Variants in PCDH7 observed in about 807,000 individuals in gnomAD.
PCDH7 encodes the protein protocadherin 7.
A neutral mutation model predicts 58.9 loss-of-function variants in PCDH7; 17 were observed. That is an observed-to-expected ratio of 0.29 (90% confidence interval 0.20 to 0.43). The LOEUF is 0.43. PCDH7 is among the 20% of genes least tolerant of loss of function. PCDH7 has a pLI of 1.00. For synonymous variants in PCDH7, 664 were observed against 616.4 expected (o/e 1.08, Z -1.14); for missense variants, 1,274 against 1,441.0 (o/e 0.88, Z 1.88).
intron 1 of PCDH7, among the ~76,000 whole-genome samples, chr4:30,785,313 T>A (rs1180516267): frequency 6.6e-6 from 1 of 152,042 alleles, no homozygotes; most frequent in African/African-American, 2.4e-5. Flanking sequence ...TAAGGAATTT[T>A]AGAATTAAAT....
At chr4:30,892,112 TG>T (rs1738693633) in intron 1 of PCDH7, among the ~76,000 whole-genome samples, 2 of 152,098 alleles carry the variant, frequency 1.3e-5, no homozygotes, top group African/African-American at 4.8e-5. Flanking sequence ...CCCACTTAAC[TG>T]GGTTGTTGCA....
rs1157267696 is a variant in PCDH7, at chr4:31,074,784, C to CAAAAAAAAAAAAAA, written c.*8-67679_*8-67666dup. 4.8e-3 allele frequency among the ~76,000 whole-genome samples: 252 copies of CAAAAAAAAAAAAAA among 52,464 alleles called. 26 individuals are homozygous for CAAAAAAAAAAAAAA. In the East Asian group the frequency reaches 0.053, roughly 11 times the overall value. 34.4% of individuals were successfully genotyped at this position (52,464 alleles called of 152,430 possible). A position where few individuals can be genotyped will look rare whatever the true frequency, so the allele number is the denominator to read the frequency against. On this transcript the variant is annotated intron_variant, in intron 3 of 3. Coordinates refer to the PCDH7 transcript ENST00000509759. ...TGGGCTACAGAGGGAGATTCCGTCT[C>CAAAAAAAAAAAAAA]AAAAAAAAAAAAAAAAAAAAAAAGC... is the stretch of plus-strand genomic sequence containing the variant.
intron 3 of PCDH7, among the ~76,000 whole-genome samples, chr4:30,961,893 T>A (rs555780976): frequency 1.3e-4 from 20 of 152,318 alleles, no homozygotes; most frequent in Admixed American, 5.2e-4. Context: ...AATATGCCCA[T>A]AGGGTGGTAT....
intron 1 of PCDH7, among the ~76,000 whole-genome samples, chr4:30,774,492 C>T (rs761001207): frequency 1.3e-5 from 2 of 152,070 alleles, no homozygotes; most frequent in Admixed American, 1.3e-4. Flanking sequence ...CCGCAGAATC[C>T]TCTGTTTATT....
intron 1 of PCDH7, among the ~76,000 whole-genome samples, chr4:30,782,002 TTTAA>T (rs1480383546): frequency 3.9e-5 from 6 of 152,180 alleles, no homozygotes; most frequent in Non-Finnish European, 8.8e-5. Context: ...GAATGAGTCT[TTTAA>T]TTAATTCTTT....
At chr4:31,067,374 CAAAAAAAA>C (rs10715937) in intron 3 of PCDH7, among the ~76,000 whole-genome samples, 3 of 109,650 alleles carry the variant, frequency 2.7e-5, no homozygotes, top group Non-Finnish European at 5.8e-5. Flanking sequence ...ATCACTGAGA[CAAAAAAAA>C]AAAAAAAAAA....
intron 1 of PCDH7, among the ~76,000 whole-genome samples, chr4:30,881,844 T>C (rs1275171910): frequency 6.6e-6 from 1 of 152,194 alleles, no homozygotes; most frequent in Non-Finnish European, 1.5e-5. Context: ...TGGAGTTCTG[T>C]GCCTATTCCT....
At position 30,969,148 on chromosome 4, in the gene PCDH7, C is replaced by T. The variant is rs1013638436; in HGVS notation, c.*7+18933C>T. On this transcript the variant is annotated intron_variant, in intron 3 of 3. Transcript: ENST00000509759. ...TTTAGGCCGGAATGCAGAACCTAGA[C>T]TTACTGGTTATTTGCAGCCAACGTC... 2.0e-5 allele frequency among the ~76,000 whole-genome samples: 3 copies of T among 152,300 alleles called. No individual in the cohort carries two copies. In the East Asian group the frequency reaches 5.8e-4, roughly 29 times the overall value.
rs185724206 is a variant in PCDH7, at chr4:31,126,939, C to T, written c.*8-15534C>T. Among the ~76,000 whole-genome samples, 697 of 152,290 alleles carry T rather than the reference C, an allele frequency of 4.6e-3. 4 individuals carry two copies. The highest frequency in any genetic ancestry group is 7.1e-3 in the Non-Finnish European group (482 of 68,026). On this transcript the variant is annotated intron_variant, in intron 3 of 3. Coordinates refer to the PCDH7 transcript ENST00000509759. ...CTTGCAGAAATTAATTCCCTGCAGCCAGTCTTCTTTGCCTAAGAACTGCAG... is the reference window on the plus strand; with the variant it reads ...CTTGCAGAAATTAATTCCCTGCAGCTAGTCTTCTTTGCCTAAGAACTGCAG...
At chr4:30,780,982 G>GT (rs1360825534) in intron 1 of PCDH7, among the ~76,000 whole-genome samples, 1 of 152,118 alleles carries the variant, frequency 6.6e-6, no homozygotes, top group Non-Finnish European at 1.5e-5. Context: ...AGAGAAAAAT[G>GT]TAAGAGCCAA....
chr4:31,050,389 A>G (rs1180960616), intron 3 of PCDH7, among the ~76,000 whole-genome samples: 2 of 152,186 alleles, frequency 1.3e-5, no homozygotes, highest in Non-Finnish European at 1.5e-5. Flanking sequence ...TAAATTTTAC[A>G]TGACACAATA....
chr4:31,083,627 G>A (rs902188061), intron 3 of PCDH7, among the ~76,000 whole-genome samples: 1 of 152,170 alleles, frequency 6.6e-6, no homozygotes, highest in African/African-American at 2.4e-5. Flanking sequence ...GACATCCCAG[G>A]ATGTTGTAAA....
intron 3 of PCDH7, among the ~76,000 whole-genome samples, chr4:31,037,587 A>G (rs181555098): frequency 1.6e-4 from 25 of 152,334 alleles, no homozygotes; most frequent in African/African-American, 6.0e-4. Context: ...TAAAATATTC[A>G]AAAGTCTCAA....
intron 2 of PCDH7, among the ~76,000 whole-genome samples, chr4:30,927,377 C>G (rs909875671): frequency 6.6e-6 from 1 of 151,820 alleles, no homozygotes; most frequent in Non-Finnish European, 1.5e-5. Flanking sequence ...TCATTGAGAA[C>G]GGGCCATGAT....
chr4:30,725,639 A>G (rs55904258), intron 1 of PCDH7, among the ~76,000 whole-genome samples: 2,740 of 152,246 alleles, frequency 0.018, 100 homozygotes, highest in African/African-American at 0.063. Context: ...GTCTCATGGT[A>G]CAGCAACCTC....
intron 3 of PCDH7, among the ~76,000 whole-genome samples, chr4:31,082,778 G>C (rs1431202836): frequency 6.6e-6 from 1 of 151,834 alleles, no homozygotes; most frequent in East Asian, 1.9e-4. Flanking sequence ...ACTCAGAAGA[G>C]GGAGGGTGGG....
At chr4:31,138,066 T>A (rs1719826479) in intron 3 of PCDH7, among the ~76,000 whole-genome samples, 1 of 152,134 alleles carries the variant, frequency 6.6e-6, no homozygotes, top group Non-Finnish European at 1.5e-5. Context: ...TTGTCTCTAA[T>A]GGGTTCTGAA....
chr4:30,749,696 T>C (rs1718254033), intron 1 of PCDH7, among the ~76,000 whole-genome samples: 1 of 152,200 alleles, frequency 6.6e-6, no homozygotes, highest in African/African-American at 2.4e-5. Context: ...AGAACTCCAC[T>C]ATGACTTTTG....
intron 1 of PCDH7, among the ~76,000 whole-genome samples, chr4:30,828,728 A>G (rs1729408407): frequency 6.6e-6 from 1 of 152,046 alleles, no homozygotes. Flanking sequence ...TACTCGCAAT[A>G]TACACATTGA....
Sources: allele counts gnomAD v4.1 joint callset (sites outside exome capture counted in the v4.1 genomes callset), GRCh38; gene constraint gnomAD v4.1.1; transcripts MANE v1.5; gene names NCBI Gene and HGNC (gene_info 2026-07-23, HGNC 2026-07-21).